FBXO11: variants seen among roughly 807,000 people sequenced by gnomAD.
FBXO11 encodes the protein F-box only protein 11.
FBXO11 carries 13 observed loss-of-function variants against 117.0 expected under a neutral mutation model. The observed-to-expected ratio is 0.11, with a 90% CI of 0.07 to 0.18. FBXO11 has a LOEUF of 0.18. FBXO11 is among the 10% of genes least tolerant of loss of function. The pLI, the probability that FBXO11 is intolerant of heterozygous loss-of-function variation, is 1.00. For synonymous variants in FBXO11, 490 were observed against 380.5 expected (o/e 1.29, Z -3.35); for missense variants, 767 against 1,164.4 (o/e 0.66, Z 4.97).
chr2:47,893,207 C>T (rs902323040), intron 1 of FBXO11, among the ~76,000 whole-genome samples: 1 of 144,928 alleles, frequency 6.9e-6, no homozygotes, highest in African/African-American at 2.5e-5. Flanking sequence ...TATACCAGAC[C>T]GTGGGGGTCA....
chr2:47,890,325 T>C (rs938152484), intron 1 of FBXO11, among the ~76,000 whole-genome samples: 5 of 152,120 alleles, frequency 3.3e-5, no homozygotes, highest in African/African-American at 1.2e-4. Flanking sequence ...CTAGAAATAA[T>C]ATAGTCAATT....
chr2:47,895,261 A>G (rs1329676001), intron 1 of FBXO11, among the ~76,000 whole-genome samples: 2 of 152,212 alleles, frequency 1.3e-5, no homozygotes, highest in Non-Finnish European at 2.9e-5. Context: ...ATGTCCATCA[A>G]CTGTAGAATG....
At chr2:47,890,070 T>G (rs955352814) in intron 1 of FBXO11, among the ~76,000 whole-genome samples, 1 of 152,130 alleles carries the variant, frequency 6.6e-6, no homozygotes, top group Non-Finnish European at 1.5e-5. Context: ...ACTGCCTCAG[T>G]CTCCTGAGTA....
intron 1 of FBXO11, among the ~76,000 whole-genome samples, chr2:47,876,969 T>C (rs1335184683): frequency 6.6e-6 from 1 of 152,138 alleles, no homozygotes; most frequent in Non-Finnish European, 1.5e-5. Context: ...TCCTTAATAC[T>C]ATTTTCCAAA....
At chr2:47,899,140 G>C (rs1224413356) in intron 1 of FBXO11, among the ~76,000 whole-genome samples, 1 of 151,942 alleles carries the variant, frequency 6.6e-6, no homozygotes, top group African/African-American at 2.4e-5. Flanking sequence ...CGGGCGTGGT[G>C]GTGGGCACCT....
intron 1 of FBXO11, among the ~76,000 whole-genome samples, chr2:47,884,439 C>T (rs1676663276): frequency 6.6e-6 from 1 of 152,068 alleles, no homozygotes; most frequent in South Asian, 2.1e-4. Flanking sequence ...AGCTTCTGTC[C>T]CTTTCGGATG....
At chr2:47,876,523 T>C (rs1433413097) in intron 1 of FBXO11, among the ~76,000 whole-genome samples, 5 of 152,344 alleles carry the variant, frequency 3.3e-5, no homozygotes, top group South Asian at 4.1e-4. Flanking sequence ...TAAATGAGTA[T>C]AGAATCAAGG....
chr2:47,821,923 C>T (rs1671419428), intron 13 of FBXO11, among the ~76,000 whole-genome samples: 1 of 152,146 alleles, frequency 6.6e-6, no homozygotes, highest in East Asian at 1.9e-4. Flanking sequence ...AAAACCCAGC[C>T]TCCACAAATA....
At chr2:47,876,953 G>A (rs1336703037) in intron 1 of FBXO11, among the ~76,000 whole-genome samples, 1 of 151,080 alleles carries the variant, frequency 6.6e-6, no homozygotes, top group Non-Finnish European at 1.5e-5. Flanking sequence ...TACATTCTGG[G>A]TGAATTCCTT....
chr2:47,892,980 C>A (rs1348605000), intron 1 of FBXO11, among the ~76,000 whole-genome samples: 1 of 151,908 alleles, frequency 6.6e-6, no homozygotes, highest in Admixed American at 6.6e-5. Context: ...TGGTGAAACC[C>A]TGTCTCTACT....
chr2:47,833,460 C>T (rs867016693), intron 7 of FBXO11, among the ~76,000 whole-genome samples: 3 of 152,126 alleles, frequency 2.0e-5, no homozygotes, highest in Admixed American at 6.5e-5. Flanking sequence ...AATAAAATCA[C>T]CAGACAAACA....
intron 1 of FBXO11, among the ~76,000 whole-genome samples, chr2:47,892,354 T>A (rs1273755447): frequency 6.6e-6 from 1 of 152,244 alleles, no homozygotes; most frequent in Non-Finnish European, 1.5e-5. Flanking sequence ...GGGTATATTT[T>A]CTGTTTCATT....
At chr2:47,860,181 T>C (rs1674647808) in intron 1 of FBXO11, among the ~76,000 whole-genome samples, 1 of 152,204 alleles carries the variant, frequency 6.6e-6, no homozygotes, top group African/African-American at 2.4e-5. Flanking sequence ...TTCTGTTTCT[T>C]AGTGTTAAAT....
chr2:47,883,197 G>C (rs1676564015), intron 1 of FBXO11, among the ~76,000 whole-genome samples: 4 of 152,112 alleles, frequency 2.6e-5, no homozygotes, highest in Admixed American at 2.6e-4. Flanking sequence ...TGCCATATCA[G>C]CTTCTTTTTT....
At chr2:47,818,750 A>C in intron 16 of FBXO11, 29 bp downstream of exon 16, 1 of 1,536,612 alleles carries the variant, frequency 6.5e-7, no homozygotes, top group Non-Finnish European at 8.8e-7. Context: ...ACTCCCTCCC[A>C]AAAGATAGCC....
Position 47,834,597 on chromosome 2 carries a change from T to C in FBXO11, c.916A>G (p.Ile306Val), listed in dbSNP as rs375970407. Residue 306 changes from isoleucine (I) to valine (V), a missense_variant, in exon 7 of 23, where the codon ATC becomes GTC. Coordinates refer to ENST00000403359, the MANE Select transcript of FBXO11 (RefSeq NM_001190274.2). The stretch of plus-strand genomic sequence containing the variant: ...AAAATACCTGCACCAATCATGGTGA[T>C]TGGAGATTCAATATATATCCATTCA... ...TDEWIYIESP[I>V]TMIGAAPGKV... is the part of the protein sequence containing the mutation. 1.6e-4 allele frequency: 258 copies of C among 1,582,030 alleles called. No individual in the cohort carries two copies. Among genetic ancestry groups the C allele is most frequent in the Non-Finnish European group, 2.1e-4 (241 of 1,168,402 alleles).
At chr2:47,881,840 C>G (rs1157012280) in intron 1 of FBXO11, among the ~76,000 whole-genome samples, 1 of 152,094 alleles carries the variant, frequency 6.6e-6, no homozygotes, top group African/African-American at 2.4e-5. Flanking sequence ...ATCTACCTCC[C>G]AGGTTCAAGT....
intron 3 of FBXO11, 38 bp downstream of exon 3, chr2:47,839,381 T>A (rs752771329): frequency 1.2e-5 from 18 of 1,558,900 alleles, no homozygotes; most frequent in African/African-American, 4.2e-5. Flanking sequence ...TTAAAAAAAA[T>A]TATTTTACCC....
intron 1 of FBXO11, among the ~76,000 whole-genome samples, chr2:47,878,152 T>C (rs2103880604): frequency 6.6e-6 from 1 of 152,234 alleles, no homozygotes; most frequent in Admixed American, 6.5e-5. Context: ...ATACATTCTT[T>C]TTCAGTTTTT....
Sources: gnomAD v4.1 joint callset for allele counts (sites outside exome capture counted in the v4.1 genomes callset) on GRCh38, gnomAD v4.1.1 for gene constraint, MANE v1.5 for transcripts, NCBI Gene and HGNC (gene_info 2026-07-23, HGNC 2026-07-21) for gene names.